STRBP: variants seen among roughly 807,000 people sequenced by gnomAD.
STRBP encodes the protein spermatid perinuclear RNA binding protein.
In STRBP, 13 loss-of-function variants were observed where a neutral mutation model predicts 80.1. That is an observed-to-expected ratio of 0.16 (90% CI 0.11 to 0.26). The LOEUF (loss-of-function observed/expected upper bound fraction) is 0.26, where lower values mean the gene tolerates loss of function less well. Among genes scored for constraint, STRBP ranks in the 10% least tolerant of loss-of-function variants. The pLI is 1.00. For synonymous variants in STRBP, 284 were observed against 291.2 expected (o/e 0.98, Z 0.25); for missense variants, 485 against 815.2 (o/e 0.59, Z 4.93).
intron 6 of STRBP, among the ~76,000 whole-genome samples, chr9:123,165,756 T>C (rs2037730709): frequency 6.6e-6 from 1 of 152,164 alleles, no homozygotes; most frequent in African/African-American, 2.4e-5. Context: ...GGAAGTGGCC[T>C]GCATACTAGA....
rs369635630 is a variant in STRBP, at chr9:123,184,117, T to G, written c.3+15A>C. 1 of 1,606,222 alleles carries G rather than the reference T, an allele frequency of 6.2e-7. No individual in the cohort carries two copies. Among genetic ancestry groups the G allele is most frequent in the African/African-American group, 1.3e-5 (1 of 74,662 alleles). On this transcript the variant is annotated intron_variant, in intron 3 of 18. Coordinates refer to ENST00000348403, the MANE Select transcript of STRBP (RefSeq NM_018387.5). ...CTTTTGTAACTAAATTATGAAAATA[T>G]CCACAATAACCTACCATGGTTTTCT...
intron 2 of STRBP, among the ~76,000 whole-genome samples, chr9:123,190,904 G>C (rs2038900710): frequency 6.6e-6 from 1 of 152,172 alleles, no homozygotes; most frequent in Non-Finnish European, 1.5e-5. Context: ...ACAACATTCA[G>C]CCAGACAGAT....
At chr9:123,237,271 C>A (rs978459323) in intron 1 of STRBP, among the ~76,000 whole-genome samples, 1 of 152,166 alleles carries the variant, frequency 6.6e-6, no homozygotes, top group Non-Finnish European at 1.5e-5. Context: ...CTACCAAAAT[C>A]CACCCTGTTT....
intron 3 of STRBP, chr9:123,181,024 T>C (rs1038577284): frequency 1.5e-6 from 1 of 661,756 alleles, no homozygotes; most frequent in South Asian, 6.8e-5. Context: ...ATTAACACTA[T>C]AGTGTCACTG....
intron 2 of STRBP, among the ~76,000 whole-genome samples, chr9:123,210,838 A>AC (rs1006693156): frequency 1.3e-5 from 2 of 152,100 alleles, no homozygotes; most frequent in African/African-American, 4.8e-5. Context: ...CAAAAAAAAA[A>AC]AAAGATCAAC....
intron 2 of STRBP, among the ~76,000 whole-genome samples, chr9:123,206,553 CAG>C (rs972687798): frequency 2.0e-5 from 3 of 152,112 alleles, no homozygotes; most frequent in Non-Finnish European, 2.9e-5. Flanking sequence ...AAATGAATGA[CAG>C]GGGGTTCTTT....
At chr9:123,180,170 C>A (rs1285418442) in intron 3 of STRBP, among the ~76,000 whole-genome samples, 2 of 152,098 alleles carry the variant, frequency 1.3e-5, no homozygotes, top group Non-Finnish European at 2.9e-5. Flanking sequence ...GCAGGAGGAT[C>A]CTTAGAGCCC....
intron 1 of STRBP, among the ~76,000 whole-genome samples, chr9:123,255,308 T>C (rs1333051129): frequency 6.6e-6 from 1 of 152,230 alleles, no homozygotes; most frequent in Non-Finnish European, 1.5e-5. Context: ...TGTGGCTCTA[T>C]GTCCTAAGGG....
chr9:123,267,506 C>T (rs2041295888), intron 1 of STRBP, among the ~76,000 whole-genome samples: 1 of 151,864 alleles, frequency 6.6e-6, no homozygotes, highest in Non-Finnish European at 1.5e-5. Flanking sequence ...CCCCCTCCCG[C>T]CTCCCTGCAG....
chr9:123,154,891 G>A (rs1291959428), intron 11 of STRBP, among the ~76,000 whole-genome samples: 2 of 152,234 alleles, frequency 1.3e-5, no homozygotes, highest in Non-Finnish European at 2.9e-5. Flanking sequence ...AGGACCTACA[G>A]AATCAAGGGA....
chr9:123,245,206 T>C (rs2040774966), intron 1 of STRBP, among the ~76,000 whole-genome samples: 1 of 152,192 alleles, frequency 6.6e-6, no homozygotes, highest in Admixed American at 6.5e-5. Flanking sequence ...TAAAGATATA[T>C]TCTCTAAAAC....
intron 2 of STRBP, among the ~76,000 whole-genome samples, chr9:123,210,129 C>T (rs1327368795): frequency 6.6e-6 from 1 of 152,200 alleles, no homozygotes; most frequent in Non-Finnish European, 1.5e-5. Context: ...CTTAAACTAT[C>T]TTCTTCATCT....
intron 10 of STRBP, 94 bp from the exon 11 acceptor site, chr9:123,158,217 A>C (rs1588013584): frequency 1.4e-6 from 2 of 1,477,352 alleles, no homozygotes; most frequent in East Asian, 4.5e-5. Flanking sequence ...AAATTCTGAC[A>C]TTATAACAGC....
chr9:123,239,550 C>T (rs555281369), intron 1 of STRBP, among the ~76,000 whole-genome samples: 1 of 152,164 alleles, frequency 6.6e-6, no homozygotes, highest in African/African-American at 2.4e-5. Context: ...GGGCACAGAA[C>T]GTCTTGCATT....
At chr9:123,173,612 T>G in intron 5 of STRBP, 65 bp downstream of exon 5, 3 of 1,516,488 alleles carry the variant, frequency 2.0e-6, no homozygotes, top group Non-Finnish European at 2.6e-6. Context: ...AATAATTTTT[T>G]CAAAGTCACT....
intron 11 of STRBP, among the ~76,000 whole-genome samples, chr9:123,155,229 G>T (rs1252486061): frequency 6.6e-6 from 1 of 152,204 alleles, no homozygotes; most frequent in African/African-American, 2.4e-5. Context: ...CTCATCAGAT[G>T]AATAAGGAGG....
intron 2 of STRBP, among the ~76,000 whole-genome samples, chr9:123,222,146 C>T (rs1313548435): frequency 2.6e-5 from 4 of 151,636 alleles, no homozygotes; most frequent in Admixed American, 2.6e-4. Context: ...CTTTCCTTCT[C>T]TTTCTCACTA....
intron 2 of STRBP, among the ~76,000 whole-genome samples, chr9:123,207,528 A>C (rs1269886993): frequency 6.6e-6 from 1 of 152,180 alleles, no homozygotes; most frequent in African/African-American, 2.4e-5. Flanking sequence ...TAATGACAAA[A>C]AATTCAGGAG....
At chr9:123,213,393 A>C (rs2039780451) in intron 2 of STRBP, among the ~76,000 whole-genome samples, 1 of 152,214 alleles carries the variant, frequency 6.6e-6, no homozygotes, top group Non-Finnish European at 1.5e-5. Context: ...TAACTTTATT[A>C]AGGCAGGAGA....
Sources: gnomAD v4.1 joint callset for allele counts (sites outside exome capture counted in the v4.1 genomes callset) on GRCh38, gnomAD v4.1.1 for gene constraint, MANE v1.5 for transcripts, NCBI Gene and HGNC (gene_info 2026-07-23, HGNC 2026-07-21) for gene names.